Variants in PIAS2 observed in about 807,000 individuals in gnomAD.
PIAS2 encodes E3 SUMO-protein ligase PIAS2.
PIAS2 carries 19 observed loss-of-function variants against 69.7 expected under a neutral mutation model. The ratio of observed to expected loss-of-function variants is 0.27; its 90% CI spans 0.19 to 0.40. The LOEUF is 0.40. PIAS2 is among the 10% of genes least tolerant of loss of function. PIAS2 has a pLI of 1.00. For synonymous variants in PIAS2, 261 were observed against 263.2 expected, an observed-to-expected ratio of 0.99 and a Z score of 0.08; for missense variants, 624 against 757.0, an observed-to-expected ratio of 0.82 and a Z score of 2.06.
intron 12 of PIAS2, chr18:46,816,852 C>G: frequency 2.0e-6 from 2 of 979,488 alleles, no homozygotes; most frequent in Non-Finnish European, 2.4e-6. Context: ...AGAATTACAA[C>G]AAACTTTTCC....
chr18:46,845,679 T>C (rs541389323), intron 6 of PIAS2, among the ~76,000 whole-genome samples: 32 of 152,188 alleles, frequency 2.1e-4, no homozygotes, highest in Admixed American at 1.2e-3. Flanking sequence ...ATTCATTCAA[T>C]TGATTCTACA....
At chr18:46,851,464 C>T (rs1473792111) in intron 5 of PIAS2, among the ~76,000 whole-genome samples, 1 of 152,150 alleles carries the variant, frequency 6.6e-6, no homozygotes, top group Non-Finnish European at 1.5e-5. Flanking sequence ...CTTTCTTCTG[C>T]CCATTAAAAA....
At chr18:46,916,936 T>C (rs924243928) in intron 1 of PIAS2, 35 of 985,430 alleles carry the variant, frequency 3.6e-5, no homozygotes, top group Non-Finnish European at 4.2e-5. Context: ...GACTTGTGAA[T>C]AGCCACAGAC....
chr18:46,887,652 T>C (rs567355817), intron 2 of PIAS2, among the ~76,000 whole-genome samples: 2 of 152,348 alleles, frequency 1.3e-5, no homozygotes, highest in East Asian at 3.9e-4. Context: ...AAACTCCCTG[T>C]GCCACTTTAG....
chr18:46,885,797 A>G (rs1388848724), intron 2 of PIAS2, among the ~76,000 whole-genome samples: 1 of 152,236 alleles, frequency 6.6e-6, no homozygotes, highest in East Asian at 1.9e-4. Context: ...AACTGAAGCT[A>G]CGACCAAAAT....
Position 46,890,943 on chromosome 18 carries a change from T to G in PIAS2, c.136A>C (p.Lys46Gln), listed in dbSNP as rs1325259641. 3 of 1,614,020 alleles carry G rather than the reference T, an allele frequency of 1.9e-6. No individual in the cohort carries two copies. The African/African-American group carries it at 4.0e-5, about 22-fold the overall frequency. The change falls in exon 2 of 14, where the codon AAG (lysine) becomes CAG (glutamine). Residue 46 changes from lysine to glutamine, a missense_variant. By Grantham distance (53) the Lys-to-Gln change is moderately conservative (BLOSUM62 1). Coordinates refer to ENST00000585916, the MANE Select transcript of PIAS2 (RefSeq NM_004671.5). ...TGAACCGCAGGGCTGCAGCCGCTCT[T>G]CAATAAATGCAGCGCCCTCATCAGG... ...DLLMRALHLL[K>Q]SGCSPAVQIK... is the part of the protein sequence containing the mutation.
At chr18:46,835,085 A>G (rs529557987) in intron 9 of PIAS2, among the ~76,000 whole-genome samples, 1 of 152,362 alleles carries the variant, frequency 6.6e-6, no homozygotes, top group South Asian at 2.1e-4. Context: ...AGAATTTAGT[A>G]AACACATCAC....
chr18:46,856,202 C>T (rs756686136), intron 3 of PIAS2, among the ~76,000 whole-genome samples: 29 of 151,696 alleles, frequency 1.9e-4, no homozygotes, highest in African/African-American at 2.9e-4. Context: ...AGGGTTTCAC[C>T]GTGTTAGCCA....
In PIAS2 at chr18:46,917,355, C is replaced by CCCGCGGGCG. The variant is rs1555813413; in HGVS notation, c.-19_-11dup. On this transcript the variant is annotated 5_prime_UTR_variant, in exon 1 of 14. Coordinates refer to ENST00000585916, the MANE Select transcript of PIAS2 (RefSeq NM_004671.5). ...CTTCGAAATCCGCCATTTTATACCA[C>CCCGCGGGCG]CCGCGGGCGCCGCCGCCGCTGCCGC... 6.8e-6 allele frequency: 10 copies of CCCGCGGGCG among 1,464,838 alleles called. No homozygotes were observed. The highest frequency in any genetic ancestry group is 2.6e-5 in the South Asian group (2 of 76,942). The allele number at this position is 1,464,838 out of a possible 1,614,324, so 90.7% of individuals were successfully genotyped here.
chr18:46,869,796 T>C (rs954536115), intron 2 of PIAS2, among the ~76,000 whole-genome samples: 7 of 152,192 alleles, frequency 4.6e-5, no homozygotes, highest in Non-Finnish European at 1.0e-4. Context: ...CAAATGAGGA[T>C]TGAATTTGTC....
intron 2 of PIAS2, among the ~76,000 whole-genome samples, chr18:46,878,711 A>G (rs2051667049): frequency 1.3e-5 from 2 of 152,214 alleles, no homozygotes; most frequent in African/African-American, 4.8e-5. Flanking sequence ...TCTAATAAAA[A>G]TACAAAATTA....
intron 1 of PIAS2, among the ~76,000 whole-genome samples, chr18:46,916,136 G>A (rs1354972905): frequency 6.6e-6 from 1 of 152,096 alleles, no homozygotes; most frequent in African/African-American, 2.4e-5. Context: ...AACAGCAGGA[G>A]GGAATATGGC....
chr18:46,909,188 G>T (rs1330135613), intron 1 of PIAS2, among the ~76,000 whole-genome samples: 2 of 152,142 alleles, frequency 1.3e-5, no homozygotes, highest in Admixed American at 6.5e-5. Context: ...TGGCTAATCA[G>T]TATAGTAAAA....
At chr18:46,841,010 T>G (rs1389575770) in intron 8 of PIAS2, among the ~76,000 whole-genome samples, 1 of 151,714 alleles carries the variant, frequency 6.6e-6, no homozygotes, top group African/African-American at 2.4e-5. Context: ...TCTCAAGAGA[T>G]AAAATCAAAC....
intron 1 of PIAS2, chr18:46,901,269 A>G (rs1172074693): frequency 4.8e-6 from 2 of 412,510 alleles, no homozygotes; most frequent in African/African-American, 2.1e-5. Context: ...ATACAAAATT[A>G]GCCATGGCAC....
intron 8 of PIAS2, among the ~76,000 whole-genome samples, chr18:46,843,387 C>G (rs1280597994): frequency 1.3e-5 from 2 of 152,112 alleles, no homozygotes; most frequent in Non-Finnish European, 2.9e-5. Flanking sequence ...GAAAGGGTTC[C>G]CCTCCAATTC....
intron 9 of PIAS2, among the ~76,000 whole-genome samples, chr18:46,831,733 G>A (rs1297298466): frequency 6.6e-6 from 1 of 152,146 alleles, no homozygotes; most frequent in Non-Finnish European, 1.5e-5. Flanking sequence ...TGATGGTGCA[G>A]CAATCACATG....
chr18:46,883,398 C>G (rs2052615620), intron 2 of PIAS2, among the ~76,000 whole-genome samples: 1 of 152,046 alleles, frequency 6.6e-6, no homozygotes, highest in African/African-American at 2.4e-5. Flanking sequence ...CAGAAGAATA[C>G]ATATAAGAAT....
intron 2 of PIAS2, among the ~76,000 whole-genome samples, chr18:46,877,491 G>A (rs1411338598): frequency 6.6e-6 from 1 of 152,064 alleles, no homozygotes; most frequent in Non-Finnish European, 1.5e-5. Flanking sequence ...CACCCATTCT[G>A]TAAACTGCCC....
Sources: allele counts gnomAD v4.1 joint callset (sites outside exome capture counted in the v4.1 genomes callset), GRCh38; gene constraint gnomAD v4.1.1; transcripts MANE v1.5; gene names NCBI Gene and HGNC (gene_info 2026-07-23, HGNC 2026-07-21).